Variants in SEMA7A observed in about 807,000 individuals in gnomAD.
The protein encoded by SEMA7A is semaphorin-7A.
A neutral mutation model predicts 67.5 loss-of-function variants in SEMA7A; 21 were observed. That is an observed-to-expected ratio of 0.31 (90% CI 0.22 to 0.45). The LOEUF (loss-of-function observed/expected upper bound fraction) is 0.45, where lower values mean the gene tolerates loss of function less well. Among genes scored for constraint, SEMA7A ranks in the 20% least tolerant of loss-of-function variants. The pLI is 1.00. For missense variants in SEMA7A, 774 were observed against 908.6 expected, an observed-to-expected ratio of 0.85 and a Z score of 1.90; for synonymous variants, 364 against 368.5, an observed-to-expected ratio of 0.99 and a Z score of 0.14.
Position 74,409,587 on chromosome 15 carries a change from G to A in SEMA7A, c.*1037C>T, listed in dbSNP as rs2060881473. On this transcript the variant is annotated 3_prime_UTR_variant, in exon 14 of 14. Transcript: ENST00000261918. ...CATGGAAGCACAGCCCCTGGGGAAG[G>A]GGGCTGAGAGGAAGGGAGGAGGCCC... 6.6e-6 allele frequency: 1 copy of A among 152,318 alleles called. No homozygotes were observed. The highest frequency in any genetic ancestry group is 6.5e-5 in the Admixed American group (1 of 15,292). 9.4% of individuals were successfully genotyped at this position (152,318 alleles called of 1,614,324 possible).
At position 74,413,650 on chromosome 15, in the gene SEMA7A, C is replaced by A. The variant is rs148570666; in HGVS notation, c.1294+897G>T. Among the ~76,000 whole-genome samples the A allele has an allele frequency of 3.3e-3, 501 of 152,356 alleles. 2 individuals carry two copies. Among genetic ancestry groups the A allele is most frequent in the African/African-American group, 0.011 (468 of 41,578 alleles). On this transcript the variant is annotated intron_variant, in intron 10 of 13. Coordinates refer to ENST00000261918, the MANE Select transcript of SEMA7A (RefSeq NM_003612.5). ...CCGGGATGAATAGGGAGTAAAGAGG[C>A]AGGGAATCAGGACCCAGGCCCTGCC...
intron 10 of SEMA7A, among the ~76,000 whole-genome samples, chr15:74,412,217 A>T (rs1274980810): frequency 6.6e-6 from 1 of 152,190 alleles, no homozygotes; most frequent in Admixed American, 6.5e-5. Context: ...CAGAGAGGCC[A>T]TCCCAGGAGG....
intron 7 of SEMA7A, 33 bp from the exon 8 acceptor site, chr15:74,416,018 G>C: frequency 6.2e-7 from 1 of 1,600,148 alleles, no homozygotes; most frequent in Admixed American, 1.7e-5. Context: ...AGGCCCCTCA[G>C]CACCTGCCCG....
At position 74,411,257 on chromosome 15, in the gene SEMA7A, C is replaced by A. The variant is rs1172311049; in HGVS notation, c.1639+38G>T. The A allele has an allele frequency of 1.9e-6, 3 of 1,600,444 alleles. No homozygotes were observed. Among genetic ancestry groups the A allele is most frequent in the Non-Finnish European group, 2.6e-6 (3 of 1,169,910 alleles). ...AATCAGGGCAGGGCAGTACCCCACT[C>A]ATTGGGCCACAGCCGCCAGCAGGGC... On this transcript the variant is annotated intron_variant, in intron 13 of 13. Transcript: ENST00000261918. This position sits in a 1 kb window ranked among gnomAD's most constrained non-coding sequence, Gnocchi z 4.4.
chr15:74,432,978 A>AC (rs2061102521), intron 1 of SEMA7A, among the ~76,000 whole-genome samples: 3 of 151,714 alleles, frequency 2.0e-5, no homozygotes, highest in Admixed American at 6.6e-5. Context: ...TAAAGGCTGC[A>AC]CCCCCGCCCT....
chr15:74,411,969 C>G lies in SEMA7A; in HGVS notation c.1338G>C (p.Glu446Asp). ...CCATGATGTTGAAGGCGAAGCTGTG[C>G]TCCTGCTCCCCCGGTTCCACCACCT... Reference protein sequence around the residue: ...IHKVVEPGEQEHSFAFNIMEI... With the variant: ...IHKVVEPGEQDHSFAFNIMEI... The change falls in exon 11 of 14, where the codon GAG (glutamate) becomes GAC (aspartate). Residue 446 changes from glutamate (E) to aspartate (D), a missense_variant. Physicochemically the swap from Glu to Asp is conservative, Grantham distance 45 (BLOSUM62 2). Around this residue, in one of 2 missense-constraint regions of SEMA7A, gnomAD observed 427 missense variants for 555.4 expected, o/e 0.77. Coordinates refer to ENST00000261918, the MANE Select transcript of SEMA7A (RefSeq NM_003612.5). The surrounding 1 kb of genome is among the most constrained non-coding windows in gnomAD (Gnocchi z 4.4). The G allele has an allele frequency of 6.2e-7, 1 of 1,614,036 alleles. No homozygotes were observed. Among genetic ancestry groups the G allele is most frequent in the Non-Finnish European group, 8.5e-7 (1 of 1,180,042 alleles).
In SEMA7A at chr15:74,411,915, G is replaced by A. The variant is rs1427543041; in HGVS notation, c.1392C>T (p.Ala464=). 6.2e-7 allele frequency: 1 copy of A among 1,614,020 alleles called. No individual in the cohort carries two copies. Among genetic ancestry groups the A allele is most frequent in the Admixed American group, 1.7e-5 (1 of 60,036 alleles). ...CAGCATCCAGCGACATGGTCTGGAT[G>A]GCAGCCGCGCGGCGGAAGGGCTGGA... ...MEIQPFRRAA[A]IQTMSLDAER... is the part of the protein sequence containing the mutation. Residue 464 remains alanine (A), a synonymous_variant, in exon 11 of 14, where the codon GCC becomes GCT. Coordinates refer to ENST00000261918, the MANE Select transcript of SEMA7A (RefSeq NM_003612.5). This position sits in a 1 kb window ranked among gnomAD's most constrained non-coding sequence, Gnocchi z 4.4.
chr15:74,410,713 C>T lies in SEMA7A; in HGVS notation c.1912G>A (p.Glu638Lys), dbSNP rs868351238. The change falls in exon 14 of 14, where the codon GAG becomes AAG. Residue 638 changes from glutamate (E) to lysine (K), a missense_variant. Transcript: ENST00000261918. The surrounding 1 kb of genome is among the most constrained non-coding windows in gnomAD (Gnocchi z 7.5). ...QLLPEDGIMA[E>K]HLLGHACALA... ...GCACAGGCATGACCCAGCAGGTGCT[C>T]GGCCATGATGCCGTCCTCGGGCAGC... 1.5e-5 allele frequency: 24 copies of T among 1,613,526 alleles called. No homozygotes were observed. Among genetic ancestry groups the T allele is most frequent in the Middle Eastern group, 1.6e-4 (1 of 6,066 alleles).
At position 74,423,520 on chromosome 15, in the gene SEMA7A, T is replaced by G. The variant is rs2061017852; in HGVS notation, c.179-4568A>C. On this transcript the variant is annotated intron_variant, in intron 1 of 13. Transcript: ENST00000261918. The surrounding 1 kb of genome is among the most constrained non-coding windows in gnomAD (Gnocchi z 4.1). ...CACATCCTGGGCTTCCTGGAGAGCCTCTGATTTGCAAAAAGCTGTATATTC... is the reference window on the plus strand; with the variant it reads ...CACATCCTGGGCTTCCTGGAGAGCCGCTGATTTGCAAAAAGCTGTATATTC... Among the ~76,000 whole-genome samples, 1 of 152,060 alleles carries G rather than the reference T, an allele frequency of 6.6e-6. No homozygotes were observed.
intron 1 of SEMA7A, 99 bp downstream of exon 1, chr15:74,433,642 A>G: frequency 7.7e-7 from 1 of 1,305,944 alleles, no homozygotes; most frequent in East Asian, 3.2e-5. Context: ...CGGGACCCGC[A>G]GAGCTGCGCG....
At chr15:74,417,731 A>G (rs1239790732) in intron 4 of SEMA7A, 56 bp from the exon 5 acceptor site, 1 of 1,560,810 alleles carries the variant, frequency 6.4e-7, no homozygotes, top group East Asian at 2.3e-5. Context: ...ACTGCCTCCC[A>G]TGACGGCCAG....
At position 74,411,181 on chromosome 15, in the gene SEMA7A, C is replaced by T. The variant is rs1431197328; in HGVS notation, c.1639+114G>A. ...TCCCTCTGCAGGACTGTATCCTGCC[C>T]CATGTACCTGGGGCCCACAGGACAA... On this transcript the variant is annotated intron_variant, in intron 13 of 13. Coordinates refer to ENST00000261918, the MANE Select transcript of SEMA7A (RefSeq NM_003612.5). The surrounding 1 kb of genome is among the most constrained non-coding windows in gnomAD (Gnocchi z 4.4). 2 of 1,346,646 alleles carry T rather than the reference C, an allele frequency of 1.5e-6. No homozygotes were observed. Among genetic ancestry groups the T allele is most frequent in the African/African-American group, 1.5e-5 (1 of 68,390 alleles). The allele number at this position is 1,346,646 out of a possible 1,614,324, so 83.4% of individuals were successfully genotyped here.
chr15:74,416,428 C>G, intron 7 of SEMA7A, 147 bp downstream of exon 7: 1 of 807,514 alleles, frequency 1.2e-6, no homozygotes, highest in Non-Finnish European at 2.0e-6. Flanking sequence ...ATGCTCCATG[C>G]ACACACAGCT....
chr15:74,422,284 C>T (rs1468414749), intron 1 of SEMA7A, among the ~76,000 whole-genome samples: 1 of 152,034 alleles, frequency 6.6e-6, no homozygotes, highest in Non-Finnish European at 1.5e-5. Flanking sequence ...TCCCATCCTG[C>T]TTGTCTAAAA....
At chr15:74,416,072 C>T in intron 7 of SEMA7A, 87 bp from the exon 8 acceptor site, 1 of 1,364,818 alleles carries the variant, frequency 7.3e-7, no homozygotes, top group South Asian at 1.3e-5. Flanking sequence ...GCAATATCAA[C>T]ACCTGGGCCC....
intron 1 of SEMA7A, among the ~76,000 whole-genome samples, chr15:74,432,562 GCTA>G (rs553212759): frequency 6.7e-4 from 102 of 152,314 alleles, no homozygotes; most frequent in Non-Finnish European, 1.3e-3. Flanking sequence ...CATTCCCTCA[GCTA>G]CTGCGGCAGT....
chr15:74,418,904 G>T lies in SEMA7A; in HGVS notation c.227C>A (p.Thr76Lys). Residue 76 changes from threonine to lysine, a missense_variant, in exon 2 of 14, where the codon ACG becomes AAG. Thr to Lys is a moderately conservative substitution (Grantham distance 78). This residue lies in a region of SEMA7A where 347 missense variants were observed against 353.2 expected (regional missense o/e 0.98). Transcript: ENST00000261918. ...GCTGCCTGGCTCGTGGAAAAGCACC[G>T]TGTGCGGCTCAGTCTGGCCAAAGTC... ...RVDFGQTEPH[T>K]VLFHEPGSSS... The T allele has an allele frequency of 6.2e-7, 1 of 1,613,820 alleles. No individual in the cohort carries two copies. The highest frequency in any genetic ancestry group is 2.2e-5 in the East Asian group (1 of 44,886).
At chr15:74,427,861 T>C (rs1873887889) in intron 1 of SEMA7A, among the ~76,000 whole-genome samples, 1 of 152,214 alleles carries the variant, frequency 6.6e-6, no homozygotes, top group Non-Finnish European at 1.5e-5. Context: ...TCTCCAGGAA[T>C]GTGGGGGCTC....
chr15:74,415,302 C>T lies in SEMA7A; in HGVS notation c.987-356G>A, dbSNP rs190857985. On this transcript the variant is annotated intron_variant, in intron 8 of 13. Transcript: ENST00000261918. ...CCCAACCCCTTCCCAGCCTGGGGGACCCCACTCACCCAGGAGCCACAGAGC... is the reference window on the plus strand; with the variant it reads ...CCCAACCCCTTCCCAGCCTGGGGGATCCCACTCACCCAGGAGCCACAGAGC... Among the ~76,000 whole-genome samples the T allele has an allele frequency of 3.4e-4, 51 of 152,202 alleles. No homozygotes were observed. The East Asian group carries it at 6.0e-3, about 18-fold the overall frequency.
Sources: gnomAD v4.1 joint callset for allele counts (sites outside exome capture counted in the v4.1 genomes callset) on GRCh38, gnomAD v4.1.1 for gene constraint, gnomAD v4.1.1 regional missense constraint, Gnocchi (gnomAD v3.1) non-coding constraint, MANE v1.5 for transcripts, NCBI Gene and HGNC (gene_info 2026-07-23, HGNC 2026-07-21) for gene names.